GRIA1: variants seen among roughly 807,000 people sequenced by gnomAD.
The protein encoded by GRIA1 is glutamate receptor 1.
A neutral mutation model predicts 99.2 loss-of-function variants in GRIA1; 31 were observed. That is an observed-to-expected ratio of 0.31 (90% CI 0.23 to 0.42). GRIA1 has a LOEUF of 0.42. Ranked by LOEUF, GRIA1 falls within the 10% of genes least tolerant of loss-of-function variation. The probability of loss-of-function intolerance (pLI) is 1.00; values close to 1 mark genes in which losing one functional copy is unlikely to be tolerated. For synonymous variants in GRIA1, 438 were observed against 432.4 expected (o/e 1.01, Z -0.16); for missense variants, 782 against 1,157.5 (o/e 0.68, Z 4.71).
chr5:153,545,630 T>A (rs963966027), intron 2 of GRIA1, among the ~76,000 whole-genome samples: 37 of 152,186 alleles, frequency 2.4e-4, no homozygotes, highest in African/African-American at 8.4e-4. Context: ...AAGCTTGGCA[T>A]GCAGGGATTG....
chr5:153,803,565 A>G (rs1202353355), intron 15 of GRIA1, among the ~76,000 whole-genome samples: 1 of 152,224 alleles, frequency 6.6e-6, no homozygotes, highest in African/African-American at 2.4e-5. Context: ...AGATTGAAGA[A>G]GGCTTCCAGG....
intron 5 of GRIA1, among the ~76,000 whole-genome samples, chr5:153,666,785 G>A (rs907163294): frequency 6.6e-6 from 1 of 152,150 alleles, no homozygotes. Context: ...CACAGTACAG[G>A]TTTGATACGT....
intron 4 of GRIA1, among the ~76,000 whole-genome samples, chr5:153,651,051 C>G (rs1754538118): frequency 6.6e-6 from 1 of 151,924 alleles, no homozygotes; most frequent in African/African-American, 2.4e-5. Context: ...TGCACTCCAG[C>G]CTAGGCAACA....
At chr5:153,619,765 C>A (rs1055874324) in intron 2 of GRIA1, among the ~76,000 whole-genome samples, 1 of 152,234 alleles carries the variant, frequency 6.6e-6, no homozygotes, top group East Asian at 1.9e-4. Context: ...AACCGTTTGG[C>A]CTTTCTGGCC....
intron 13 of GRIA1, among the ~76,000 whole-genome samples, chr5:153,785,062 T>C (rs567060130): frequency 1.1e-4 from 17 of 152,304 alleles, no homozygotes; most frequent in African/African-American, 4.1e-4. Context: ...AATGGTTTTT[T>C]ATCCTCCACA....
At chr5:153,548,677 C>T (rs895934981) in intron 2 of GRIA1, among the ~76,000 whole-genome samples, 7 of 152,146 alleles carry the variant, frequency 4.6e-5, no homozygotes, top group African/African-American at 1.7e-4. Context: ...ATGAGGGATA[C>T]ATGTTTATCA....
At chr5:153,545,757 C>G (rs554352711) in intron 2 of GRIA1, among the ~76,000 whole-genome samples, 1 of 152,270 alleles carries the variant, frequency 6.6e-6, no homozygotes, top group East Asian at 1.9e-4. Context: ...ACTGATTGGT[C>G]CCTCTTATAA....
chr5:153,585,364 A>G (rs1331237261), intron 2 of GRIA1, among the ~76,000 whole-genome samples: 3 of 120,458 alleles, frequency 2.5e-5, no homozygotes, highest in African/African-American at 9.8e-5. Flanking sequence ...GCTGGAGTAC[A>G]CTGTCGCGAT....
chr5:153,561,719 G>T (rs954795620), intron 2 of GRIA1, among the ~76,000 whole-genome samples: 1 of 152,138 alleles, frequency 6.6e-6, no homozygotes, highest in South Asian at 2.1e-4. Flanking sequence ...CTCAGTATAG[G>T]AGAATTGTAT....
chr5:153,530,097 G>C (rs566400711), intron 2 of GRIA1, among the ~76,000 whole-genome samples: 16 of 152,076 alleles, frequency 1.1e-4, no homozygotes, highest in African/African-American at 3.9e-4. Flanking sequence ...CCAGCTCTGC[G>C]GATGGTCTCA....
At position 153,799,724 on chromosome 5, in the gene GRIA1, G is replaced by A. The variant is rs143225802; in HGVS notation, c.2386-2632G>A. Among the ~76,000 whole-genome samples, 50 of 152,204 alleles carry A rather than the reference G, an allele frequency of 3.3e-4. 1 individual carries two copies. Among genetic ancestry groups the A allele is most frequent in the African/African-American group, 1.1e-3 (46 of 41,530 alleles). On this transcript the variant is annotated intron_variant, in intron 14 of 15. Coordinates refer to ENST00000285900, the MANE Select transcript of GRIA1 (RefSeq NM_000827.4). The stretch of plus-strand genomic sequence containing the variant: ...TTCAAAAGGTGGCAGTTCCTATACC[G>A]TCTAGCTGTCCTCTTTGTAAAGGAT...
At chr5:153,780,498 A>G (rs1764563857) in intron 13 of GRIA1, among the ~76,000 whole-genome samples, 1 of 152,230 alleles carries the variant, frequency 6.6e-6, no homozygotes, top group African/African-American at 2.4e-5. Context: ...AAAAAACTGG[A>G]GGTAACTCTG....
At chr5:153,753,608 T>C (rs1261038750) in intron 11 of GRIA1, among the ~76,000 whole-genome samples, 2 of 152,028 alleles carry the variant, frequency 1.3e-5, no homozygotes. Flanking sequence ...AGAATATTCC[T>C]ATTTCTCCCA....
intron 13 of GRIA1, among the ~76,000 whole-genome samples, chr5:153,782,778 C>T (rs1764718006): frequency 6.6e-6 from 1 of 152,024 alleles, no homozygotes; most frequent in South Asian, 2.1e-4. Context: ...AGGCGGAAGA[C>T]GGGGAGGAAG....
chr5:153,682,662 T>A (rs1163059914), intron 7 of GRIA1, among the ~76,000 whole-genome samples: 1 of 152,038 alleles, frequency 6.6e-6, no homozygotes, highest in Non-Finnish European at 1.5e-5. Context: ...CAATTTCCTA[T>A]CCACTGACCC....
chr5:153,808,875 G>T (rs1467596821), intron 15 of GRIA1, among the ~76,000 whole-genome samples: 1 of 152,208 alleles, frequency 6.6e-6, no homozygotes, highest in Non-Finnish European at 1.5e-5. Context: ...CAACTCTAAT[G>T]ATGTGACCTT....
At chr5:153,779,811 C>T (rs566070316) in intron 13 of GRIA1, among the ~76,000 whole-genome samples, 61 of 152,308 alleles carry the variant, frequency 4.0e-4, no homozygotes, top group South Asian at 1.0e-3. Flanking sequence ...CCATCCGCCT[C>T]GGCCTCCCAA....
chr5:153,666,433 C>T (rs909034290), intron 5 of GRIA1, among the ~76,000 whole-genome samples: 1 of 152,086 alleles, frequency 6.6e-6, no homozygotes, highest in Non-Finnish European at 1.5e-5. Context: ...AGGGAAATGC[C>T]CTGATCTCAT....
intron 2 of GRIA1, among the ~76,000 whole-genome samples, chr5:153,606,476 A>G (rs1305746403): frequency 2.0e-5 from 3 of 152,098 alleles, no homozygotes; most frequent in East Asian, 1.9e-4. Context: ...TTTAATTACA[A>G]TCAGTTTGGG....
Sources: gnomAD v4.1 joint callset for allele counts (sites outside exome capture counted in the v4.1 genomes callset) on GRCh38, gnomAD v4.1.1 for gene constraint, MANE v1.5 for transcripts, NCBI Gene and HGNC (gene_info 2026-07-23, HGNC 2026-07-21) for gene names.